ZFR2: variants seen among roughly 807,000 people sequenced by gnomAD.
ZFR2 encodes the protein zinc finger RNA-binding protein 2.
A neutral mutation model predicts 105.7 loss-of-function variants in ZFR2; 104 were observed. That is an observed-to-expected ratio of 0.98 (90% CI 0.84 to 1.16). ZFR2 has a LOEUF of 1.16. Among genes scored for constraint, ZFR2 ranks in the 50% most tolerant of loss-of-function variants. The pLI, the probability that ZFR2 is intolerant of heterozygous loss-of-function variation, is 0.00. For synonymous variants in ZFR2, 634 were observed against 597.7 expected (o/e 1.06, Z -0.89); for missense variants, 1,425 against 1,355.5 (o/e 1.05, Z -0.80).
intron 13 of ZFR2, 66 bp downstream of exon 13, chr19:3,816,608 G>T: frequency 2.0e-6 from 3 of 1,536,212 alleles, no homozygotes; most frequent in South Asian, 2.4e-5. Flanking sequence ...AGGAGCGCAA[G>T]GGGCTGCGGG....
chr19:3,820,076 G>A (rs1272741020), intron 11 of ZFR2, 106 bp downstream of exon 11: 4 of 1,109,108 alleles, frequency 3.6e-6, no homozygotes, highest in Admixed American at 4.1e-5. Flanking sequence ...CATCCCCTGA[G>A]TACTATGTGG....
chr19:3,835,707 G>C (rs576830842), intron 1 of ZFR2, among the ~76,000 whole-genome samples: 1 of 151,674 alleles, frequency 6.6e-6, no homozygotes, highest in Admixed American at 6.5e-5. Flanking sequence ...CACCTTGGGA[G>C]GCCAAGGCGG....
At chr19:3,840,064 C>G (rs757730651) in intron 1 of ZFR2, among the ~76,000 whole-genome samples, 3 of 152,086 alleles carry the variant, frequency 2.0e-5, no homozygotes, top group Non-Finnish European at 2.9e-5. Flanking sequence ...CCCGGCAAAC[C>G]TTGTCTGAAA....
At chr19:3,848,700 C>T (rs1446984047) in intron 1 of ZFR2, among the ~76,000 whole-genome samples, 8 of 151,538 alleles carry the variant, frequency 5.3e-5, no homozygotes, top group Admixed American at 1.3e-4. Flanking sequence ...CTTAAAAACA[C>T]AAAGTGTTAG....
Position 3,819,228 on chromosome 19 carries a change from C to A in ZFR2, c.1748G>T (p.Arg583Leu). 1 of 1,542,146 alleles carries A rather than the reference C, an allele frequency of 6.5e-7. No individual in the cohort carries two copies. The highest frequency in any genetic ancestry group is 8.7e-7 in the Non-Finnish European group (1 of 1,152,704). ...SPASAPLQPG[R>L]RPASSDDRHV... ...CCGGTCGTCGCTGGACGCCGGCCGC[C>A]GCCCGGGCTGTGGGGAGAGGCCGCA... The change falls in exon 12 of 19, where the codon CGG becomes CTG. Residue 583 changes from arginine to leucine, a missense_variant. Coordinates refer to ENST00000262961, the MANE Select transcript of ZFR2 (RefSeq NM_015174.2).
intron 1 of ZFR2, among the ~76,000 whole-genome samples, chr19:3,849,845 G>A (rs1254567037): frequency 6.6e-6 from 1 of 152,230 alleles, no homozygotes; most frequent in Admixed American, 6.5e-5. Flanking sequence ...CAGGGAAAAT[G>A]GATGTGCGAC....
Position 3,869,038 on chromosome 19 carries a change from T to G in ZFR2, c.-21A>C, listed in dbSNP as rs1289644014. On this transcript the variant is annotated 5_prime_UTR_variant, in exon 1 of 19. Coordinates refer to ENST00000262961, the MANE Select transcript of ZFR2 (RefSeq NM_015174.2). ...GCCATCTTGGCGTCTTCCCCGAGCCTGGCGGACCCGCGACGTCACCCGCCC... is the reference window on the plus strand; with the variant it reads ...GCCATCTTGGCGTCTTCCCCGAGCCGGGCGGACCCGCGACGTCACCCGCCC... The G allele has an allele frequency of 1.5e-6, 2 of 1,338,714 alleles. No homozygotes were observed. The highest frequency in any genetic ancestry group is 1.9e-6 in the Non-Finnish European group (2 of 1,036,554). 82.9% of individuals were successfully genotyped at this position (1,338,714 alleles called of 1,614,324 possible).
chr19:3,825,945 G>A (rs772915049), intron 6 of ZFR2, among the ~76,000 whole-genome samples: 31 of 152,140 alleles, frequency 2.0e-4, no homozygotes, highest in Non-Finnish European at 3.8e-4. Flanking sequence ...GCCACTGTGT[G>A]TGTGCTGGGG....
intron 1 of ZFR2, among the ~76,000 whole-genome samples, chr19:3,850,820 G>T (rs753019070): frequency 6.9e-6 from 1 of 145,390 alleles, no homozygotes; most frequent in Non-Finnish European, 1.5e-5. Flanking sequence ...TGGGAGGCTC[G>T]ATTAAGCTCA....
At chr19:3,863,503 A>C (rs1410565834) in intron 1 of ZFR2, among the ~76,000 whole-genome samples, 3 of 151,882 alleles carry the variant, frequency 2.0e-5, no homozygotes, top group Admixed American at 2.0e-4. Context: ...TCATAGCTCA[A>C]TGTAGCTTCA....
At chr19:3,836,740 C>T (rs916612556) in intron 1 of ZFR2, among the ~76,000 whole-genome samples, 1 of 152,152 alleles carries the variant, frequency 6.6e-6, no homozygotes, top group Non-Finnish European at 1.5e-5. Flanking sequence ...GACGAGAAAA[C>T]CTCCAAGGAG....
chr19:3,842,016 T>A lies in ZFR2; in HGVS notation c.54-7033A>T, dbSNP rs1164388005. On this transcript the variant is annotated intron_variant, in intron 1 of 18. Coordinates refer to ENST00000262961, the MANE Select transcript of ZFR2 (RefSeq NM_015174.2). ...CACAGGTAAAGCAGAGTGACTTTTT[T>A]TTTTTTATTTTTTTGAGATAGGGTC... Among the ~76,000 whole-genome samples the A allele has an allele frequency of 3.3e-5, 5 of 151,822 alleles. No individual in the cohort carries two copies. In the South Asian group the frequency reaches 6.3e-4, roughly 19 times the overall value.
chr19:3,836,216 C>T (rs1352780585), intron 1 of ZFR2, among the ~76,000 whole-genome samples: 3 of 152,188 alleles, frequency 2.0e-5, no homozygotes, highest in African/African-American at 4.8e-5. Context: ...AAACCCCATA[C>T]ATGTTCAGTA....
chr19:3,812,595 C>T (rs758026594), intron 14 of ZFR2, among the ~76,000 whole-genome samples: 4 of 152,038 alleles, frequency 2.6e-5, no homozygotes, highest in Non-Finnish European at 5.9e-5. Flanking sequence ...ACCCTTAACC[C>T]GCCCCCACAA....
At chr19:3,818,963 G>C in intron 12 of ZFR2, 82 bp downstream of exon 12, 1 of 1,502,090 alleles carries the variant, frequency 6.7e-7, no homozygotes, top group Non-Finnish European at 8.9e-7. Context: ...CAGAGCTAGG[G>C]GTTCCTGCAG....
intron 1 of ZFR2, among the ~76,000 whole-genome samples, chr19:3,837,768 G>A (rs1453669518): frequency 6.8e-6 from 1 of 148,022 alleles, no homozygotes; most frequent in Non-Finnish European, 1.5e-5. Flanking sequence ...CATGACTATG[G>A]GACACCCGAT....
chr19:3,810,875 C>T (rs1408713592), intron 15 of ZFR2, 30 bp from the exon 16 acceptor site: 5 of 1,548,492 alleles, frequency 3.2e-6, no homozygotes, highest in Non-Finnish European at 4.4e-6. Context: ...GGTTAGCTTT[C>T]AGGGGCTCAC....
chr19:3,824,834 G>C (rs1424022646), intron 7 of ZFR2, among the ~76,000 whole-genome samples: 1 of 152,182 alleles, frequency 6.6e-6, no homozygotes, highest in Non-Finnish European at 1.5e-5. Flanking sequence ...CTACTCAGGA[G>C]GCTGAGGCAG....
At position 3,868,949 on chromosome 19, in the gene ZFR2, G is replaced by A. The variant is rs1365489404; in HGVS notation, c.53+16C>T. On this transcript the variant is annotated intron_variant, in intron 1 of 18. Coordinates refer to ENST00000262961, the MANE Select transcript of ZFR2 (RefSeq NM_015174.2). ...GGGGCCGGGACTGGCGGGGGCTGGC[G>A]CGGCGGGGCAGTTACCTGTACTGCG... The A allele has an allele frequency of 2.5e-5, 33 of 1,295,398 alleles. No homozygotes were observed. The highest frequency in any genetic ancestry group is 3.1e-5 in the African/African-American group (2 of 65,028). 80.2% of individuals were successfully genotyped at this position (1,295,398 alleles called of 1,614,324 possible). A position where few individuals can be genotyped will look rare whatever the true frequency, so the allele number is the denominator to read the frequency against.
Sources: allele counts gnomAD v4.1 joint callset (sites outside exome capture counted in the v4.1 genomes callset), GRCh38; gene constraint gnomAD v4.1.1; transcripts MANE v1.5; gene names NCBI Gene and HGNC (gene_info 2026-07-23, HGNC 2026-07-21).